The following PTK2 variants were observed in gnomAD, a reference collection of about 807,000 sequenced individuals.
The protein encoded by PTK2 is protein tyrosine kinase 2.
Under a neutral mutation model 150.1 loss-of-function variants are expected in PTK2, and 45 were observed. That is an observed-to-expected ratio of 0.30 (90% CI 0.24 to 0.38). PTK2 has a LOEUF of 0.38. Ranked by LOEUF, PTK2 falls within the 10% of genes least tolerant of loss-of-function variation. PTK2 has a pLI of 1.00. For missense variants in PTK2, 919 were observed against 1,307.3 expected (o/e 0.70, Z 4.58); for synonymous variants, 432 against 449.2 (o/e 0.96, Z 0.48).
At chr8:140,990,608 G>A (rs547522645) in intron 1 of PTK2, among the ~76,000 whole-genome samples, 1 of 152,050 alleles carries the variant, frequency 6.6e-6, no homozygotes, top group African/African-American at 2.4e-5. Context: ...TATTATTTTT[G>A]CTTTCATTGA....
chr8:140,794,276 G>A (rs1028239133), intron 12 of PTK2, among the ~76,000 whole-genome samples: 1 of 152,130 alleles, frequency 6.6e-6, no homozygotes, highest in Non-Finnish European at 1.5e-5. Flanking sequence ...AATTTACAAA[G>A]CACTGCTTCA....
chr8:140,948,457 G>C (rs992008415), intron 1 of PTK2, among the ~76,000 whole-genome samples: 14 of 152,108 alleles, frequency 9.2e-5, no homozygotes, highest in African/African-American at 4.8e-5. Context: ...ATATTGACAT[G>C]AATCAATAAC....
intron 16 of PTK2, among the ~76,000 whole-genome samples, chr8:140,756,192 G>C (rs948994535): frequency 1.3e-5 from 2 of 151,660 alleles, no homozygotes; most frequent in African/African-American, 4.8e-5. Flanking sequence ...GTGTGATGGT[G>C]TGTGCCTGTA....
chr8:140,717,275 G>T (rs1337195306), intron 23 of PTK2, among the ~76,000 whole-genome samples: 1 of 152,210 alleles, frequency 6.6e-6, no homozygotes, highest in Non-Finnish European at 1.5e-5. Flanking sequence ...ATCCAGACTT[G>T]ATCATTAGGG....
chr8:140,887,373 A>G (rs188787975), intron 3 of PTK2, among the ~76,000 whole-genome samples: 16 of 152,328 alleles, frequency 1.1e-4, no homozygotes, highest in Admixed American at 1.0e-3. Context: ...TCATTTTACT[A>G]CTGTTGCTGT....
At chr8:140,751,878 C>A (rs563270313) in intron 17 of PTK2, 8 of 525,382 alleles carry the variant, frequency 1.5e-5, no homozygotes, top group Non-Finnish European at 1.9e-5. Flanking sequence ...TCCATCAGGG[C>A]AGGGACTGTG....
chr8:140,846,797 C>T (rs1366219071), intron 5 of PTK2, 119 bp from the exon 6 acceptor site: 7 of 647,056 alleles, frequency 1.1e-5, no homozygotes, highest in Non-Finnish European at 1.5e-5. Flanking sequence ...GGTAATTACG[C>T]TTGATGTTAA....
intron 12 of PTK2, among the ~76,000 whole-genome samples, chr8:140,797,995 C>A (rs2100092712): frequency 6.6e-6 from 1 of 151,858 alleles, no homozygotes; most frequent in Non-Finnish European, 1.5e-5. Context: ...TATGGTAGAT[C>A]AAAGAACTAA....
At chr8:140,781,209 AAAAT>A (rs942785684) in intron 14 of PTK2, among the ~76,000 whole-genome samples, 1 of 152,218 alleles carries the variant, frequency 6.6e-6, no homozygotes, top group Admixed American at 6.5e-5. Context: ...TGCAAAGAAA[AAAAT>A]AACTGGGCCT....
rs186394279 is a variant in PTK2, at chr8:140,764,268, A to T, written c.1200T>A (p.Ile400=). The change falls in exon 15 of 32, where the codon ATT becomes ATA. Residue 400 remains isoleucine (I), a synonymous_variant. Coordinates refer to ENST00000522684, the Ensembl canonical transcript of PTK2. ...TGGTGTAAGTATCTTCTTCATCTAT[A>T]ATCTCAGCATAATCATCTGTTTCTG... 2.8e-4 allele frequency: 447 copies of T among 1,611,050 alleles called. 2 individuals are homozygous for T. The highest frequency in any genetic ancestry group is 3.5e-4 in the Non-Finnish European group (413 of 1,178,088).
intron 17 of PTK2, chr8:140,751,916 G>A: frequency 1.8e-6 from 1 of 541,438 alleles, no homozygotes; most frequent in Non-Finnish European, 3.6e-6. Flanking sequence ...TGCATTCCTG[G>A]GGTCTGGGCA....
intron 22 of PTK2, among the ~76,000 whole-genome samples, chr8:140,734,144 T>C (rs556080295): frequency 1.3e-3 from 205 of 152,272 alleles, no homozygotes; most frequent in Non-Finnish European, 2.3e-3. Flanking sequence ...CTGGGCTAGA[T>C]GGTGAAAGGC....
chr8:140,856,312 C>G (rs541889000), intron 5 of PTK2, among the ~76,000 whole-genome samples: 1 of 152,212 alleles, frequency 6.6e-6, no homozygotes, highest in East Asian at 1.9e-4. Flanking sequence ...AGTCCCAGCC[C>G]ATGTTCACAA....
chr8:140,925,926 T>C (rs916785406), intron 1 of PTK2, among the ~76,000 whole-genome samples, 177 bp from the exon 2 acceptor site: 17 of 152,340 alleles, frequency 1.1e-4, no homozygotes, highest in South Asian at 2.1e-4. Context: ...TGATACCAGG[T>C]AGATGCTAAC....
intron 5 of PTK2, among the ~76,000 whole-genome samples, chr8:140,852,651 T>G (rs1458683765): frequency 6.6e-6 from 1 of 152,130 alleles, no homozygotes; most frequent in Non-Finnish European, 1.5e-5. Flanking sequence ...TAAAACAAAT[T>G]TTGTATTTTA....
chr8:140,750,902 C>A (rs186123290), intron 17 of PTK2, among the ~76,000 whole-genome samples: 128 of 152,272 alleles, frequency 8.4e-4, no homozygotes, highest in Non-Finnish European at 1.6e-3. Context: ...CAGCAAAAAC[C>A]TGTCTCTCCA....
At chr8:140,779,986 C>G (rs143652624) in intron 14 of PTK2, among the ~76,000 whole-genome samples, 4 of 152,014 alleles carry the variant, frequency 2.6e-5, no homozygotes, top group African/African-American at 9.7e-5. Context: ...GAAAAACACA[C>G]AAATTCATAC....
At chr8:140,710,633 G>A (rs2100036285) in intron 23 of PTK2, among the ~76,000 whole-genome samples, 1 of 150,468 alleles carries the variant, frequency 6.6e-6, no homozygotes, top group Admixed American at 6.6e-5. Flanking sequence ...ATCGCACCAT[G>A]GCACTGCAGC....
At chr8:140,763,110 A>T (rs1244500005) in intron 15 of PTK2, among the ~76,000 whole-genome samples, 1 of 152,204 alleles carries the variant, frequency 6.6e-6, no homozygotes, top group African/African-American at 2.4e-5. Flanking sequence ...CATTTTTCCA[A>T]ACTGATACTG....
Sources: gnomAD v4.1 joint callset for allele counts (sites outside exome capture counted in the v4.1 genomes callset) on GRCh38, gnomAD v4.1.1 for gene constraint, MANE v1.5 for transcripts, NCBI Gene and HGNC (gene_info 2026-07-23, HGNC 2026-07-21) for gene names.